Variants in KIF5C observed in about 807,000 individuals in gnomAD.
The protein encoded by KIF5C is kinesin family member 5C, also known as kinesin heavy chain isoform 5C.
Under a neutral mutation model 125.2 loss-of-function variants are expected in KIF5C, and 18 were observed. The observed-to-expected ratio is 0.14, with a 90% CI of 0.10 to 0.21. The LOEUF is 0.21. Ranked by LOEUF, KIF5C falls within the 10% of genes least tolerant of loss-of-function variation. KIF5C has a pLI of 1.00. For missense variants in KIF5C, 780 were observed against 1,183.8 expected, an observed-to-expected ratio of 0.66 and a Z score of 5.01; for synonymous variants, 405 against 434.0, an observed-to-expected ratio of 0.93 and a Z score of 0.83.
intron 11 of KIF5C, among the ~76,000 whole-genome samples, chr2:148,964,453 G>T (rs1333129840): frequency 6.6e-6 from 1 of 152,174 alleles, no homozygotes; most frequent in African/African-American, 2.4e-5. Context: ...AGGTGCTGGA[G>T]ATTAAAGGGT....
At chr2:148,998,343 C>G in intron 18 of KIF5C, 57 bp from the exon 19 acceptor site, 1 of 1,550,292 alleles carries the variant, frequency 6.5e-7, no homozygotes, top group Non-Finnish European at 8.7e-7. Context: ...GGGCTTGTCA[C>G]AGAGTGGGCT....
chr2:148,994,704 TTTC>T (rs1227324684), intron 17 of KIF5C, among the ~76,000 whole-genome samples, 166 bp downstream of exon 17: 3 of 151,930 alleles, frequency 2.0e-5, no homozygotes, highest in African/African-American at 7.2e-5. Flanking sequence ...TCTTTCTTTC[TTTC>T]TTTTTTTTTT....
At chr2:148,987,676 C>T (rs1482250218) in intron 15 of KIF5C, among the ~76,000 whole-genome samples, 1 of 152,030 alleles carries the variant, frequency 6.6e-6, no homozygotes, top group African/African-American at 2.4e-5. Flanking sequence ...TCTGTTCAGT[C>T]ATTCGGGGGG....
At chr2:148,944,637 A>G (rs79787265) in intron 7 of KIF5C, among the ~76,000 whole-genome samples, 20,862 of 152,144 alleles carry the variant, frequency 0.14, 2,192 homozygotes, top group African/African-American at 0.29. Context: ...CTTGATTTCA[A>G]TTCTTTTGAG....
intron 1 of KIF5C, among the ~76,000 whole-genome samples, chr2:148,892,269 G>T (rs1446010974): frequency 3.3e-5 from 5 of 152,198 alleles, no homozygotes; most frequent in African/African-American, 9.7e-5. Flanking sequence ...CTAGTTCTTT[G>T]AGATATTACC....
chr2:148,937,343 T>C lies in KIF5C; in HGVS notation c.351T>C (p.Phe117=), dbSNP rs779765780. Residue 117 remains phenylalanine, a synonymous_variant, in exon 4 of 26, where the codon TTT becomes TTC. Coordinates refer to ENST00000435030, the MANE Select transcript of KIF5C (RefSeq NM_004522.3). Reference sequence around the variant, plus strand: ...TCCCACGAATTGCCCATGATATCTTTGACCATATCTACTCCATGGATGAGA... The same window carrying C: ...TCCCACGAATTGCCCATGATATCTTCGACCATATCTACTCCATGGATGAGA... The part of the protein sequence containing the change: ...GIIPRIAHDI[F]DHIYSMDENL... 1.2e-6 allele frequency: 2 copies of C among 1,602,268 alleles called. No homozygotes were observed. Among genetic ancestry groups the C allele is most frequent in the African/African-American group, 2.7e-5 (2 of 74,772 alleles).
intron 13 of KIF5C, among the ~76,000 whole-genome samples, chr2:148,979,401 C>G (rs1681170797): frequency 6.6e-6 from 1 of 152,160 alleles, no homozygotes; most frequent in African/African-American, 2.4e-5. Context: ...CTAAGACTCT[C>G]AAGTAGCTAA....
chr2:149,024,507 G>A lies in KIF5C; in HGVS notation c.*1437G>A, dbSNP rs145237623. ...TTTCTCATGACTGTGTGGGTCGAAG[G>A]TAGCTCAAGTGTGTGTGTGTGTGTG... On this transcript the variant is annotated 3_prime_UTR_variant, in exon 26 of 26. Transcript: ENST00000435030. The A allele has an allele frequency of 2.0e-3, 276 of 141,084 alleles. 4 individuals are homozygous for A. The highest frequency in any genetic ancestry group is 0.017 in the Middle Eastern group (5 of 290). The allele number at this position is 141,084 out of a possible 1,614,324, so 8.7% of individuals were successfully genotyped here. A position where few individuals can be genotyped will look rare whatever the true frequency, so the allele number is the denominator to read the frequency against.
In KIF5C at chr2:148,983,699, T is replaced by C; in HGVS notation, c.1649T>C (p.Ile550Thr). 1 of 1,611,624 alleles carries C rather than the reference T, an allele frequency of 6.2e-7. No homozygotes were observed. The highest frequency in any genetic ancestry group is 8.5e-7 in the Non-Finnish European group (1 of 1,178,384). The change falls in exon 15 of 26, where the codon ATC (isoleucine) becomes ACC (threonine). Residue 550 changes from isoleucine to threonine, a missense_variant. Transcript: ENST00000435030. The part of the protein sequence containing the change: ...SNHQKKRATE[I>T]LNLLLKDLGE... ...CACCAGAAGAAAAGGGCAACTGAGA[T>C]CCTGAATTTGCTGTTGAAAGATCTG...
chr2:148,875,844 A>G, intron 1 of KIF5C, 101 bp downstream of exon 1: 3 of 1,455,160 alleles, frequency 2.1e-6, no homozygotes, highest in Non-Finnish European at 2.7e-6. Context: ...CCCCTCGGAC[A>G]TTCCCGCGGG....
chr2:149,008,108 C>T (rs1375853493), intron 23 of KIF5C, 41 bp downstream of exon 23: 4 of 1,564,728 alleles, frequency 2.6e-6, no homozygotes, highest in South Asian at 2.4e-5. Context: ...TCCCTCCTCT[C>T]TCCTGGAAAG....
At chr2:148,946,455 A>G (rs1682521919) in intron 7 of KIF5C, among the ~76,000 whole-genome samples, 1 of 152,224 alleles carries the variant, frequency 6.6e-6, no homozygotes, top group African/African-American at 2.4e-5. Context: ...ATCCTTGCTT[A>G]AGAAAGCTTA....
At chr2:148,882,497 A>C (rs908313512) in intron 1 of KIF5C, among the ~76,000 whole-genome samples, 2 of 152,078 alleles carry the variant, frequency 1.3e-5, no homozygotes, top group African/African-American at 4.8e-5. Flanking sequence ...GGCCCTCCAT[A>C]CTGTGGGCCT....
chr2:148,930,030 T>G (rs1036338134), intron 3 of KIF5C, among the ~76,000 whole-genome samples: 3 of 152,218 alleles, frequency 2.0e-5, no homozygotes, highest in Non-Finnish European at 4.4e-5. Context: ...AGGAGAAGTT[T>G]GGTAAAATAT....
chr2:148,998,364 G>A (rs1456277049), intron 18 of KIF5C, 36 bp from the exon 19 acceptor site: 8 of 1,552,256 alleles, frequency 5.2e-6, no homozygotes, highest in Admixed American at 3.9e-5. Context: ...GAGTGCCAAC[G>A]AGTAGATGAC....
At position 149,025,695 on chromosome 2, in the gene KIF5C, A is replaced by G. The variant is rs944389779; in HGVS notation, c.*2625A>G. 2 of 152,256 alleles carry G rather than the reference A, an allele frequency of 1.3e-5. No individual in the cohort carries two copies. Among genetic ancestry groups the G allele is most frequent in the Non-Finnish European group, 2.9e-5 (2 of 68,042 alleles). The allele number at this position is 152,256 out of a possible 1,614,324, so 9.4% of individuals were successfully genotyped here. A position where few individuals can be genotyped will look rare whatever the true frequency, so the allele number is the denominator to read the frequency against. On this transcript the variant is annotated 3_prime_UTR_variant, in exon 26 of 26. Transcript: ENST00000435030. ...CTCTAAGAGAACAGCCAGATGGTTTATATGAATAATCTTTATCTGCAGGAT... is the reference window on the plus strand; with the variant it reads ...CTCTAAGAGAACAGCCAGATGGTTTGTATGAATAATCTTTATCTGCAGGAT...
intron 1 of KIF5C, among the ~76,000 whole-genome samples, chr2:148,897,850 C>T (rs918458295): frequency 1.6e-5 from 2 of 125,946 alleles, no homozygotes; most frequent in African/African-American, 6.0e-5. Context: ...ACCTGGAAGG[C>T]GGAGGTTATA....
chr2:148,919,729 G>T (rs1681706725), intron 1 of KIF5C, among the ~76,000 whole-genome samples: 1 of 152,106 alleles, frequency 6.6e-6, no homozygotes, highest in South Asian at 2.1e-4. Flanking sequence ...ACTAAATTCT[G>T]ATCAATCTCT....
intron 23 of KIF5C, among the ~76,000 whole-genome samples, chr2:149,009,469 A>G (rs1490198397): frequency 1.3e-5 from 2 of 152,132 alleles, no homozygotes; most frequent in African/African-American, 4.8e-5. Context: ...TATGTAGTAC[A>G]CTTGTGTTAT....
Sources: allele counts gnomAD v4.1 joint callset (sites outside exome capture counted in the v4.1 genomes callset), GRCh38; gene constraint gnomAD v4.1.1; transcripts MANE v1.5; gene names NCBI Gene and HGNC (gene_info 2026-07-23, HGNC 2026-07-21).